The following VWF variants were observed in gnomAD, a reference collection of about 807,000 sequenced individuals.
VWF encodes the protein Factor VIII related antigen.
Under a neutral mutation model 308.6 loss-of-function variants are expected in VWF, and 176 were observed. The observed-to-expected ratio is 0.57, with a 90% CI of 0.50 to 0.65. The LOEUF (loss-of-function observed/expected upper bound fraction) is 0.65, where lower values mean the gene tolerates loss of function less well. Ranked by LOEUF, VWF falls within the 30% of genes least tolerant of loss-of-function variation. VWF has a pLI of 0.00. For missense variants in VWF, 3,146 were observed against 3,648.2 expected (o/e 0.86, Z 3.55); for synonymous variants, 1,385 against 1,443.4 (o/e 0.96, Z 0.92).
chr12:5,997,442 G>A (rs896456791), intron 34 of VWF, among the ~76,000 whole-genome samples: 1 of 152,330 alleles, frequency 6.6e-6, no homozygotes, highest in South Asian at 2.1e-4. Context: ...AACTGTGACT[G>A]TGTAATGGGT....
intron 47 of VWF, among the ~76,000 whole-genome samples, chr12:5,961,350 T>C (rs559709659): frequency 6.6e-6 from 1 of 152,170 alleles, no homozygotes; most frequent in Non-Finnish European, 1.5e-5. Context: ...CCAAAAAGGT[T>C]GGGCACTGCT....
Position 6,016,252 on chromosome 12 carries a change from C to T in VWF, c.5312-20G>A. On this transcript the variant is annotated intron_variant, in intron 30 of 51. Coordinates refer to ENST00000261405, the MANE Select transcript of VWF (RefSeq NM_000552.5). The stretch of plus-strand genomic sequence containing the variant: ...CATCCCCTGAGGATGGAGAACAGAT[C>T]ACGCCAAGTCAGTACTGACTGCGGC... The T allele has an allele frequency of 1.2e-6, 2 of 1,614,208 alleles. No individual in the cohort carries two copies. The highest frequency in any genetic ancestry group is 8.5e-7 in the Non-Finnish European group (1 of 1,180,034).
rs892642280 is a variant in VWF at position 6,060,350 on chromosome 12, C to T, written c.1534-2306G>A. Among the ~76,000 whole-genome samples, 5 of 152,036 alleles carry T rather than the reference C, an allele frequency of 3.3e-5. No individual in the cohort carries two copies. Among genetic ancestry groups the T allele is most frequent in the South Asian group, 2.1e-4 (1 of 4,820 alleles). On this transcript the variant is annotated intron_variant, in intron 13 of 51. Transcript: ENST00000261405. The surrounding 1 kb of genome is among the most constrained non-coding windows in gnomAD (Gnocchi z 5.1). Reference sequence around the variant, plus strand: ...GACCGCCAGCCCCACGGGGACAAAGCGTACATAACACACCCAGGGGAAGGA... The same window carrying T: ...GACCGCCAGCCCCACGGGGACAAAGTGTACATAACACACCCAGGGGAAGGA...
rs1943143880 is a variant in VWF, at chr12:5,948,930, A to G, written c.*85T>C. The G allele has an allele frequency of 6.8e-7, 1 of 1,463,090 alleles. No homozygotes were observed. The highest frequency in any genetic ancestry group is 9.4e-7 in the Non-Finnish European group (1 of 1,065,768). The allele number at this position is 1,463,090 out of a possible 1,614,324, so 90.6% of individuals were successfully genotyped here. On this transcript the variant is annotated 3_prime_UTR_variant, in exon 52 of 52. Coordinates refer to ENST00000261405, the MANE Select transcript of VWF (RefSeq NM_000552.5). The surrounding 1 kb of genome is among the most constrained non-coding windows in gnomAD (Gnocchi z 4.4). ...TGTGGGCTCAGAAGGGCACAAGAGC[A>G]GAACATGCAGAGGACTGGCAGCACT...
rs947518669 is a variant in VWF at position 6,052,870 on chromosome 12, T to C, written c.1946-87A>G. The C allele has an allele frequency of 1.1e-5, 17 of 1,505,560 alleles. No individual in the cohort carries two copies. The East Asian group carries it at 4.2e-4, about 37-fold the overall frequency. 93.3% of individuals were successfully genotyped at this position (1,505,560 alleles called of 1,614,324 possible). ...TAGGACTTGCCACCCCTTGTAGCTG[T>C]GACCCCCAATTATTTAATTAAAATT... On this transcript the variant is annotated intron_variant, in intron 15 of 51. Coordinates refer to ENST00000261405, the MANE Select transcript of VWF (RefSeq NM_000552.5).
At chr12:5,969,161 G>A (rs1943439444) in intron 45 of VWF, 50 bp downstream of exon 45, 10 of 1,571,016 alleles carry the variant, frequency 6.4e-6, no homozygotes, top group Non-Finnish European at 7.8e-6. Context: ...TGGAAAGAGA[G>A]GCTTAAAGGT....
chr12:6,003,821 T>TA (rs1943898550), intron 34 of VWF, among the ~76,000 whole-genome samples: 1 of 147,712 alleles, frequency 6.8e-6, no homozygotes, highest in Non-Finnish European at 1.5e-5. Flanking sequence ...TCTCTTTTTT[T>TA]TTTTTTTTTT....
intron 18 of VWF, among the ~76,000 whole-genome samples, chr12:6,042,442 C>T (rs574061647): frequency 1.1e-4 from 16 of 152,346 alleles, no homozygotes; most frequent in African/African-American, 3.8e-4. Flanking sequence ...GCCAAGAACA[C>T]GTGTCCCGTG....
chr12:5,978,366 G>A (rs1160510639), intron 42 of VWF, among the ~76,000 whole-genome samples: 5 of 152,100 alleles, frequency 3.3e-5, no homozygotes, highest in African/African-American at 7.2e-5. Context: ...GGATTCAAGT[G>A]ATTCTCCTGC....
At chr12:5,957,124 A>G (rs1392345506) in intron 47 of VWF, among the ~76,000 whole-genome samples, 2 of 152,368 alleles carry the variant, frequency 1.3e-5, no homozygotes, top group East Asian at 1.9e-4. Context: ...TACAGTATTC[A>G]GCACAGTAAC....
At chr12:6,100,020 T>C (rs1945143856) in intron 5 of VWF, among the ~76,000 whole-genome samples, 2 of 151,576 alleles carry the variant, frequency 1.3e-5, no homozygotes, top group South Asian at 2.1e-4. Context: ...ATCCAGAATC[T>C]ACAATGAACT....
chr12:5,989,078 G>C (rs747754329), intron 38 of VWF, among the ~76,000 whole-genome samples: 4 of 152,120 alleles, frequency 2.6e-5, no homozygotes, highest in South Asian at 4.2e-4. Context: ...AGGAGGCTAC[G>C]GGCCAGAGCT....
chr12:6,036,270 A>T, intron 19 of VWF, 118 bp downstream of exon 19: 1 of 827,780 alleles, frequency 1.2e-6, no homozygotes, highest in Non-Finnish European at 2.1e-6. Flanking sequence ...GGAAAGGCAG[A>T]GAGTAACCAG....
intron 11 of VWF, 64 bp from the exon 12 acceptor site, chr12:6,064,448 G>T (rs1239386195): frequency 1.9e-6 from 3 of 1,603,646 alleles, no homozygotes; most frequent in Non-Finnish European, 1.7e-6. Flanking sequence ...CCCAGCCCAG[G>T]ACCCTCTTAA....
chr12:5,991,708 A>G, intron 38 of VWF, 111 bp downstream of exon 38: 1 of 1,172,704 alleles, frequency 8.5e-7, no homozygotes, highest in African/African-American at 1.5e-5. Flanking sequence ...GATCCCCGTA[A>G]GAGTCAACCC....
At chr12:6,122,348 G>A (rs1050728214) in intron 2 of VWF, among the ~76,000 whole-genome samples, 2 of 152,162 alleles carry the variant, frequency 1.3e-5, no homozygotes, top group African/African-American at 4.8e-5. Flanking sequence ...AAACAGATCA[G>A]ACTGTGTGCC....
chr12:6,098,516 T>C (rs955110955), intron 5 of VWF, among the ~76,000 whole-genome samples: 4 of 152,162 alleles, frequency 2.6e-5, no homozygotes, highest in African/African-American at 4.8e-5. Flanking sequence ...CAGTGGTTCA[T>C]GCTTGTAATC....
At chr12:5,976,985 C>G (rs2136364385) in intron 42 of VWF, among the ~76,000 whole-genome samples, 1 of 152,264 alleles carries the variant, frequency 6.6e-6, no homozygotes, top group African/African-American at 2.4e-5. Flanking sequence ...AGTATGCCCT[C>G]CAAAGTTATG....
chr12:6,019,937 A>C lies in VWF; in HGVS notation c.3675-194T>G, dbSNP rs73261071. ...TCTGTCCCCAAATAGCATGCCCCCC[A>C]CCTTCAAAACACACACATAGCCGAC... On this transcript the variant is annotated intron_variant, in intron 27 of 51. Transcript: ENST00000261405. This position sits in a 1 kb window ranked among gnomAD's most constrained non-coding sequence, Gnocchi z 5.8. Among the ~76,000 whole-genome samples, 18 of 152,044 alleles carry C rather than the reference A, an allele frequency of 1.2e-4. No individual in the cohort carries two copies. Among genetic ancestry groups the C allele is most frequent in the African/African-American group, 2.2e-4 (9 of 41,330 alleles).
Sources: gnomAD v4.1 joint callset for allele counts (sites outside exome capture counted in the v4.1 genomes callset) on GRCh38, gnomAD v4.1.1 for gene constraint, Gnocchi (gnomAD v3.1) non-coding constraint, MANE v1.5 for transcripts, NCBI Gene and HGNC (gene_info 2026-07-23, HGNC 2026-07-21) for gene names.